The following PDS5B variants were observed in gnomAD, a reference collection of about 807,000 sequenced individuals.
PDS5B encodes the protein PDS5 cohesin associated factor B, also known as sister chromatid cohesion protein PDS5 homolog B.
Under a neutral mutation model 184.1 loss-of-function variants are expected in PDS5B, and 51 were observed. The observed-to-expected ratio is 0.28, with a 90% CI of 0.22 to 0.35. PDS5B has a LOEUF of 0.35. Among genes scored for constraint, PDS5B ranks in the 10% least tolerant of loss-of-function variants. The pLI, the probability that PDS5B is intolerant of heterozygous loss-of-function variation, is 1.00. For synonymous variants in PDS5B, 566 were observed against 569.2 expected, an observed-to-expected ratio of 0.99 and a Z score of 0.08; for missense variants, 1,180 against 1,723.3, an observed-to-expected ratio of 0.68 and a Z score of 5.58.
At chr13:32,667,743 G>C (rs759883643) in intron 6 of PDS5B, 21 bp from the exon 7 acceptor site, 1 of 1,452,938 alleles carries the variant, frequency 6.9e-7, no homozygotes, top group Non-Finnish European at 9.5e-7. Flanking sequence ...ATATAATATA[G>C]ATATTGTTTA....
intron 1 of PDS5B, among the ~76,000 whole-genome samples, chr13:32,597,386 C>CA (rs2057893930): frequency 1.3e-5 from 2 of 151,796 alleles, no homozygotes; most frequent in Non-Finnish European, 2.9e-5. Flanking sequence ...CTGGGATCTT[C>CA]AATACAACAT....
intron 16 of PDS5B, 43 bp from the exon 17 acceptor site, chr13:32,701,280 G>A (rs765387775): frequency 9.9e-7 from 1 of 1,013,442 alleles, no homozygotes; most frequent in Non-Finnish European, 1.5e-6. Context: ...ATAATGATTT[G>A]TTTAAATGTA....
intron 19 of PDS5B, among the ~76,000 whole-genome samples, chr13:32,713,558 A>G (rs569601299): frequency 6.6e-5 from 10 of 152,356 alleles, no homozygotes; most frequent in Non-Finnish European, 1.3e-4. Flanking sequence ...ATAAGTAGCA[A>G]GGAGCAGAAT....
chr13:32,617,247 C>T (rs2058233246), intron 1 of PDS5B, among the ~76,000 whole-genome samples: 1 of 152,122 alleles, frequency 6.6e-6, no homozygotes. Context: ...TGAAATTATC[C>T]TGTCTTGGCC....
chr13:32,644,478 C>T (rs1950171419), intron 1 of PDS5B, among the ~76,000 whole-genome samples: 1 of 152,104 alleles, frequency 6.6e-6, no homozygotes, highest in Non-Finnish European at 1.5e-5. Flanking sequence ...TGTATGTAAA[C>T]ATATCATCTG....
chr13:32,735,409 G>T, intron 21 of PDS5B, 79 bp downstream of exon 21: 1 of 973,596 alleles, frequency 1.0e-6, no homozygotes, highest in Non-Finnish European at 1.5e-6. Context: ...GAAGTGAAAT[G>T]ATATCAATAA....
At chr13:32,687,527 C>T (rs3848085) in intron 12 of PDS5B, among the ~76,000 whole-genome samples, 2 of 151,800 alleles carry the variant, frequency 1.3e-5, no homozygotes, top group Non-Finnish European at 2.9e-5. Context: ...TTTGAACAGT[C>T]ATATCTAAAA....
At chr13:32,589,127 AAACTT>A (rs1221641702) in intron 1 of PDS5B, among the ~76,000 whole-genome samples, 2 of 152,248 alleles carry the variant, frequency 1.3e-5, no homozygotes, top group African/African-American at 2.4e-5. Context: ...AGCAACAAGA[AAACTT>A]AAGGATGATC....
At chr13:32,681,001 G>A (rs1457389609) in intron 10 of PDS5B, among the ~76,000 whole-genome samples, 1 of 152,184 alleles carries the variant, frequency 6.6e-6, no homozygotes, top group Non-Finnish European at 1.5e-5. Context: ...TTGCTGTCAT[G>A]TTAGGTTACA....
At chr13:32,767,235 T>A (rs80293763) in intron 31 of PDS5B, among the ~76,000 whole-genome samples, 1 of 152,152 alleles carries the variant, frequency 6.6e-6, no homozygotes, top group Non-Finnish European at 1.5e-5. Flanking sequence ...TTTAGTAAAC[T>A]AGTACCAGAA....
intron 1 of PDS5B, among the ~76,000 whole-genome samples, chr13:32,603,656 G>C (rs2058013697): frequency 6.6e-6 from 1 of 152,146 alleles, no homozygotes; most frequent in Non-Finnish European, 1.5e-5. Context: ...GCTTGATGGG[G>C]ATGGCATTCA....
Position 32,760,671 on chromosome 13 carries a change from A to G in PDS5B, c.3469A>G (p.Asn1157Asp). Residue 1157 changes from asparagine (N) to aspartate (D), a missense_variant, in exon 30 of 35, where the codon AAT becomes GAT. Coordinates refer to ENST00000315596, the MANE Select transcript of PDS5B (RefSeq NM_015032.4). ...TKSSRMETVS[N>D]ASSSSNPSSP... The stretch of plus-strand genomic sequence containing the variant: ...ATCATCACGAATGGAAACTGTAAGC[A>G]ATGCAAGCAGCAGCTCAAATCCAAG... 6.2e-7 allele frequency: 1 copy of G among 1,614,114 alleles called. No homozygotes were observed. The highest frequency in any genetic ancestry group is 8.5e-7 in the Non-Finnish European group (1 of 1,179,974).
chr13:32,693,521 A>G lies in PDS5B; in HGVS notation c.1470-702A>G, dbSNP rs577144320. Among the ~76,000 whole-genome samples the G allele has an allele frequency of 1.6e-3, 248 of 151,848 alleles. 1 individual carries two copies. Among genetic ancestry groups the G allele is most frequent in the African/African-American group, 5.2e-3 (216 of 41,532 alleles). On this transcript the variant is annotated intron_variant, in intron 13 of 34. Coordinates refer to ENST00000315596, the MANE Select transcript of PDS5B (RefSeq NM_015032.4). ...TTGGCAGTGCTTCATATGTATGGTA[A>G]TAGAGGTTAATAGAAGTGTAGAATA...
intron 1 of PDS5B, among the ~76,000 whole-genome samples, chr13:32,592,695 TG>T (rs1192822065): frequency 6.6e-6 from 1 of 152,320 alleles, no homozygotes; most frequent in East Asian, 1.9e-4. Context: ...GGAAGGTCAC[TG>T]GCATTTAAGA....
At chr13:32,734,013 C>CACACACACACACACACAA (rs1430095241) in intron 20 of PDS5B, among the ~76,000 whole-genome samples, 1 of 151,344 alleles carries the variant, frequency 6.6e-6, no homozygotes, top group African/African-American at 2.4e-5. Flanking sequence ...CACACACACA[C>CACACACACACACACACAA]AAACATATAT....
At chr13:32,742,523 A>C (rs908801893) in intron 22 of PDS5B, 68 bp from the exon 23 acceptor site, 9 of 1,359,830 alleles carry the variant, frequency 6.6e-6, no homozygotes, top group Admixed American at 2.3e-5. Context: ...TTATTTTTAA[A>C]AAAAGTTGAT....
chr13:32,697,397 G>A (rs1057020781), intron 15 of PDS5B, among the ~76,000 whole-genome samples: 1 of 152,102 alleles, frequency 6.6e-6, no homozygotes, highest in African/African-American at 2.4e-5. Context: ...AGAGGTCACT[G>A]TGTATAGCAA....
chr13:32,663,388 A>T (rs983873282), intron 6 of PDS5B, among the ~76,000 whole-genome samples: 2 of 152,156 alleles, frequency 1.3e-5, no homozygotes, highest in Admixed American at 6.5e-5. Context: ...AGAATGATTT[A>T]AAATACTATT....
At chr13:32,696,833 A>AT (rs367730081) in intron 14 of PDS5B, 21 bp from the exon 15 acceptor site, 87 of 1,581,380 alleles carry the variant, frequency 5.5e-5, no homozygotes, top group East Asian at 9.0e-5. Context: ...TTAATTTTGC[A>AT]TTTTTTTGTG....
Sources: gnomAD v4.1 joint callset for allele counts (sites outside exome capture counted in the v4.1 genomes callset) on GRCh38, gnomAD v4.1.1 for gene constraint, MANE v1.5 for transcripts, NCBI Gene and HGNC (gene_info 2026-07-23, HGNC 2026-07-21) for gene names.